The following EMC1 variants were observed in gnomAD, a reference collection of about 807,000 sequenced individuals.
EMC1 encodes the protein KIAA0090.
In EMC1, 103 loss-of-function variants were observed where a neutral mutation model predicts 128.8. The observed-to-expected ratio is 0.80, with a 90% confidence interval of 0.68 to 0.94. The LOEUF (loss-of-function observed/expected upper bound fraction) is 0.94. Among genes scored for constraint, EMC1 ranks in the 40% least tolerant of loss-of-function variants. The probability of loss-of-function intolerance (pLI) is 0.00; values close to 1 mark genes in which losing one functional copy is unlikely to be tolerated. For synonymous variants in EMC1, 442 were observed against 490.4 expected (o/e 0.90, Z 1.30); for missense variants, 1,083 against 1,250.6 (o/e 0.87, Z 2.02).
intron 6 of EMC1, chr1:19,240,802 T>C (rs1247411035): frequency 6.7e-6 from 4 of 597,900 alleles, no homozygotes; most frequent in Non-Finnish European, 1.2e-5. Flanking sequence ...ACTAGATCTA[T>C]GTAATTTTTT....
At chr1:19,245,440 T>C (rs57015213) in intron 1 of EMC1, among the ~76,000 whole-genome samples, 3,789 of 151,858 alleles carry the variant, frequency 0.025, 162 homozygotes, top group African/African-American at 0.087. Flanking sequence ...AAACTCCATC[T>C]CAAAAAAAAG....
At position 19,219,298 on chromosome 1, in the gene EMC1, GTTCT is replaced by G. The variant is rs766382893; in HGVS notation, c.*1_*4del. 1 of 1,614,018 alleles carries G rather than the reference GTTCT, an allele frequency of 6.2e-7. No individual in the cohort carries two copies. The highest frequency in any genetic ancestry group is 8.5e-7 in the Non-Finnish European group (1 of 1,179,988). Reference sequence around the variant, plus strand: ...CTCTCCACTTTTAGGCACAGTCTTTGTTCTTTATCGCCAGGCCCGATTCAGGAGC... The same window carrying G: ...CTCTCCACTTTTAGGCACAGTCTTTGTTATCGCCAGGCCCGATTCAGGAGC... On this transcript the variant is annotated 3_prime_UTR_variant, in exon 23 of 23. Coordinates refer to ENST00000477853, the MANE Select transcript of EMC1 (RefSeq NM_015047.3).
chr1:19,223,063 C>G, intron 19 of EMC1: 1 of 567,568 alleles, frequency 1.8e-6, no homozygotes, highest in Non-Finnish European at 3.1e-6. Flanking sequence ...GTCTTAGAAG[C>G]CATAATAGTA....
intron 1 of EMC1, among the ~76,000 whole-genome samples, chr1:19,250,136 T>G (rs1364656487): frequency 6.8e-6 from 1 of 146,180 alleles, no homozygotes; most frequent in Non-Finnish European, 1.5e-5. Flanking sequence ...GAGAATCGCT[T>G]GAACCCCAGA....
chr1:19,240,731 A>G (rs1369059797), intron 6 of EMC1: 4 of 570,776 alleles, frequency 7.0e-6, no homozygotes, highest in Non-Finnish European at 1.2e-5. Context: ...TCTTTACTAT[A>G]TTTGCCATAT....
At chr1:19,221,353 A>T (rs1451486741) in intron 20 of EMC1, 1 of 153,012 alleles carries the variant, frequency 6.5e-6, no homozygotes, top group African/African-American at 2.4e-5. Context: ...AGAATTCAAT[A>T]GGCCAGTCGC....
chr1:19,231,330 C>T lies in EMC1; in HGVS notation c.1875G>A (p.Gln625=), dbSNP rs1342477676. 1 of 1,611,582 alleles carries T rather than the reference C, an allele frequency of 6.2e-7. No homozygotes were observed. The highest frequency in any genetic ancestry group is 8.5e-7 in the Non-Finnish European group (1 of 1,179,450). Residue 625 remains glutamine (Q), a synonymous_variant, in exon 16 of 23, where the codon CAG becomes CAA. Coordinates refer to ENST00000477853, the MANE Select transcript of EMC1 (RefSeq NM_015047.3). The part of the protein sequence containing the change: ...APPVLKRPIL[Q]SLLLPVMDQD... ...GATCCATGACTGGGAGAAGCAAGGA[C>T]TGCAAGATGGGGCGCTTCAGCACTG...
intron 18 of EMC1, among the ~76,000 whole-genome samples, chr1:19,226,187 T>C (rs1472601516): frequency 6.6e-6 from 1 of 152,198 alleles, no homozygotes; most frequent in Non-Finnish European, 1.5e-5. Context: ...TTCTCTCCCA[T>C]AACAGTTTTG....
chr1:19,240,524 G>T, intron 6 of EMC1, 78 bp from the exon 7 acceptor site: 1 of 1,520,556 alleles, frequency 6.6e-7, no homozygotes, highest in Non-Finnish European at 9.1e-7. Flanking sequence ...CAATATTGCT[G>T]CCAGCATCCC....
At position 19,244,916 on chromosome 1, in the gene EMC1, AG is replaced by A. The variant is rs745608456; in HGVS notation, c.209del (p.Thr70MetfsTer28). The A allele has an allele frequency of 3.1e-6, 5 of 1,613,746 alleles. No individual in the cohort carries two copies. Among genetic ancestry groups the A allele is most frequent in the Non-Finnish European group, 4.2e-6 (5 of 1,179,754 alleles). ...KNVIAALNSR[T>X]GEILWRHVDK... The stretch of plus-strand genomic sequence containing the variant: ...TCTCAGTTCACTCACAGATCTCCCC[AG>A]TTCGGGAATTTAATGCTGCAATCAC... On this transcript the variant is annotated frameshift_variant, in exon 2 of 23. Transcript: ENST00000477853. LOFTEE classifies it high-confidence loss of function.
chr1:19,225,140 C>A (rs559013812), intron 18 of EMC1, among the ~76,000 whole-genome samples: 2 of 152,168 alleles, frequency 1.3e-5, no homozygotes, highest in Non-Finnish European at 1.5e-5. Context: ...GAAAGCCTCA[C>A]GAGGTCAGGA....
intron 15 of EMC1, among the ~76,000 whole-genome samples, chr1:19,231,988 G>A (rs1015530756): frequency 1.3e-5 from 2 of 152,152 alleles, no homozygotes; most frequent in Admixed American, 6.5e-5. Context: ...CTGGCCGGGC[G>A]TGGTGGCTCA....
intron 17 of EMC1, among the ~76,000 whole-genome samples, chr1:19,228,574 G>C (rs2093495744): frequency 6.6e-6 from 1 of 152,080 alleles, no homozygotes; most frequent in Non-Finnish European, 1.5e-5. Flanking sequence ...TGGTCACCAG[G>C]TACACAAGTG....
At chr1:19,244,762 G>GAAA in intron 2 of EMC1, 144 bp downstream of exon 2, 1 of 765,786 alleles carries the variant, frequency 1.3e-6, no homozygotes, top group Non-Finnish European at 2.0e-6. Flanking sequence ...TGGTAAGACT[G>GAAA]AAAAAAAAAA....
At position 19,231,344 on chromosome 1, in the gene EMC1, G is replaced by C. The variant is rs116784512; in HGVS notation, c.1861C>G (p.Arg621Gly). 2.3e-5 allele frequency: 37 copies of C among 1,611,836 alleles called. No homozygotes were observed. Among genetic ancestry groups the C allele is most frequent in the Non-Finnish European group, 3.1e-5 (36 of 1,179,504 alleles). ...WSQVAPPVLK[R>G]PILQSLLLPV... ...AGAAGCAAGGACTGCAAGATGGGGC[G>C]CTTCAGCACTGGGGGAGCTACCTGA... Residue 621 changes from arginine (R) to glycine (G), a missense_variant, in exon 16 of 23, where the codon CGC becomes GGC. Arg to Gly is a moderately radical substitution (Grantham distance 125). Transcript: ENST00000477853.
chr1:19,235,246 T>C lies in EMC1; in HGVS notation c.1316A>G (p.Lys439Arg). ...LLLFLQQLAGKVVLWSREESL... is the reference protein window; with the variant it reads ...LLLFLQQLAGRVVLWSREESL... ...CTCCTCACGGCTCCACAGCACCACC[T>C]TCCCTGCTACAGGAAACATTTTTAC... Residue 439 changes from lysine to arginine, a missense_variant, in exon 13 of 23, where the codon AAG (lysine) becomes AGG (arginine). Around this residue, in one of 3 missense-constraint regions of EMC1, gnomAD observed 544 missense variants for 572.4 expected, o/e 0.95. Transcript: ENST00000477853. 6.2e-7 allele frequency: 1 copy of C among 1,612,098 alleles called. No homozygotes were observed. The highest frequency in any genetic ancestry group is 1.3e-5 in the African/African-American group (1 of 74,990).
At chr1:19,237,005 G>A in intron 12 of EMC1, 137 bp downstream of exon 12, 1 of 560,382 alleles carries the variant, frequency 1.8e-6, no homozygotes, top group South Asian at 2.0e-5. Flanking sequence ...GGTGACATTT[G>A]GCTATGAACG....
rs752650576 is a variant in EMC1, at chr1:19,233,141, G to A, written c.1433-6C>T. The A allele has an allele frequency of 1.9e-6, 3 of 1,612,632 alleles. No homozygotes were observed. Among genetic ancestry groups the A allele is most frequent in the South Asian group, 1.1e-5 (1 of 90,916 alleles). The stretch of plus-strand genomic sequence containing the variant: ...GAACATCCCCAGCAAGCCATCTGGT[G>A]TAAAGGAAAAGTAACATACTCTACA... On this transcript the variant is annotated splice_polypyrimidine_tract_variant and splice_region_variant and intron_variant, in intron 13 of 22. Coordinates refer to ENST00000477853, the MANE Select transcript of EMC1 (RefSeq NM_015047.3).
chr1:19,231,159 G>A (rs1329788068), intron 16 of EMC1, 102 bp downstream of exon 16: 2 of 1,390,724 alleles, frequency 1.4e-6, no homozygotes, highest in Non-Finnish European at 2.0e-6. Flanking sequence ...CCAAACACGT[G>A]CTGGGTGCAG....
Sources: allele counts gnomAD v4.1 joint callset (sites outside exome capture counted in the v4.1 genomes callset), GRCh38; gene constraint gnomAD v4.1.1; regional missense constraint gnomAD v4.1.1; transcripts MANE v1.5; gene names NCBI Gene and HGNC (gene_info 2026-07-23, HGNC 2026-07-21).